Variants in MTF1 observed in about 807,000 individuals in gnomAD.
MTF1 encodes MRE-binding transcription factor.
In MTF1, 22 loss-of-function variants were observed where a neutral mutation model predicts 70.4. The observed-to-expected ratio is 0.31, with a 90% CI of 0.22 to 0.45. MTF1 has a LOEUF of 0.45. MTF1 is among the 20% of genes least tolerant of loss of function. The pLI is 1.00. For synonymous variants in MTF1, 333 were observed against 352.8 expected (o/e 0.94, Z 0.63); for missense variants, 649 against 922.0 (o/e 0.70, Z 3.83).
chr1:37,856,906 C>A (rs1018999733), intron 2 of MTF1, among the ~76,000 whole-genome samples: 9 of 152,164 alleles, frequency 5.9e-5, no homozygotes, highest in African/African-American at 1.9e-4. Context: ...ATAGTTATTT[C>A]TTCATCAAAT....
intron 7 of MTF1, among the ~76,000 whole-genome samples, chr1:37,828,832 AAGAAC>A (rs1216335527): frequency 6.6e-6 from 1 of 152,236 alleles, no homozygotes; most frequent in Non-Finnish European, 1.5e-5. Flanking sequence ...TAGAGAAGAC[AAGAAC>A]AGGCTGAGCT....
rs1365698720 is a variant in MTF1, at chr1:37,811,048, G to A, written c.*4088C>T. On this transcript the variant is annotated 3_prime_UTR_variant, in exon 11 of 11. Transcript: ENST00000373036. ...CAATCACTCTGGAAAAGTCTTTAAG[G>A]ACAATGGATGTGATTACAAATATAA... 2.6e-5 allele frequency: 4 copies of A among 152,634 alleles called. No individual in the cohort carries two copies. Among genetic ancestry groups the A allele is most frequent in the African/African-American group, 7.2e-5 (3 of 41,438 alleles). The allele number at this position is 152,634 out of a possible 1,614,324, so 9.5% of individuals were successfully genotyped here.
intron 4 of MTF1, 84 bp downstream of exon 4, chr1:37,838,537 TTTTC>T: frequency 8.3e-7 from 1 of 1,207,140 alleles, no homozygotes; most frequent in Non-Finnish European, 1.2e-6. Flanking sequence ...GTAAAGGGAG[TTTTC>T]TTTCTTTTTT....
chr1:37,854,496 T>G, intron 2 of MTF1, among the ~76,000 whole-genome samples: 1 of 152,220 alleles, frequency 6.6e-6, no homozygotes, highest in East Asian at 1.9e-4. Context: ...GTCTTTAACC[T>G]CTACCCACTA....
chr1:37,841,675 A>G (rs1248164582), intron 2 of MTF1: 2 of 159,092 alleles, frequency 1.3e-5, no homozygotes, highest in Non-Finnish European at 2.8e-5. Context: ...AACTGTGGCT[A>G]TAACACAGGA....
At chr1:37,834,742 T>C (rs1030714226) in intron 6 of MTF1, 2 of 489,862 alleles carry the variant, frequency 4.1e-6, no homozygotes, top group African/African-American at 3.9e-5. Context: ...TGGCAGACTT[T>C]GCTGGCGGAT....
At chr1:37,836,627 G>A (rs947438993) in intron 4 of MTF1, among the ~76,000 whole-genome samples, 2 of 151,994 alleles carry the variant, frequency 1.3e-5, no homozygotes, top group African/African-American at 2.4e-5. Flanking sequence ...TTTCTCTGTG[G>A]ATACATCTGG....
intron 9 of MTF1, among the ~76,000 whole-genome samples, chr1:37,819,298 C>A (rs1640873172): frequency 6.6e-6 from 1 of 152,194 alleles, no homozygotes; most frequent in African/African-American, 2.4e-5. Flanking sequence ...GCACGTAGGA[C>A]ACTTGGCACA....
In MTF1 at chr1:37,845,515, T is replaced by C. The variant is rs560055922; in HGVS notation, c.409-5357A>G. ...TGATTTTTATTGATTGATTGACAGA[T>C]TGACTGATTGAATAGATGGAGTTTC... On this transcript the variant is annotated intron_variant, in intron 2 of 10. Coordinates refer to ENST00000373036, the MANE Select transcript of MTF1 (RefSeq NM_005955.3). Among the ~76,000 whole-genome samples, 11 of 152,312 alleles carry C rather than the reference T, an allele frequency of 7.2e-5. No individual in the cohort carries two copies. The South Asian group carries it at 1.2e-3, about 17-fold the overall frequency.
At chr1:37,845,360 G>C (rs753267378) in intron 2 of MTF1, among the ~76,000 whole-genome samples, 29 of 152,276 alleles carry the variant, frequency 1.9e-4, no homozygotes, top group Non-Finnish European at 3.8e-4. Flanking sequence ...TGGAATGGTA[G>C]GAACAGAAGT....
Position 37,813,131 on chromosome 1 carries a change from T to C in MTF1, c.*2005A>G, listed in dbSNP as rs1640761520. ...CCCCGTCTCTACTAAAAATACAAAA[T>C]TAGCCAGGCGTGGTGGCGCATGCCT... On this transcript the variant is annotated 3_prime_UTR_variant, in exon 11 of 11. Transcript: ENST00000373036. 1 of 152,060 alleles carries C rather than the reference T, an allele frequency of 6.6e-6. No homozygotes were observed. Among genetic ancestry groups the C allele is most frequent in the East Asian group, 1.9e-4 (1 of 5,196 alleles). 9.4% of individuals were successfully genotyped at this position (152,060 alleles called of 1,614,324 possible).
At chr1:37,857,743 C>A in intron 1 of MTF1, 34 bp from the exon 2 acceptor site, 2 of 1,381,094 alleles carry the variant, frequency 1.4e-6, no homozygotes, top group Non-Finnish European at 2.0e-6. Context: ...TAGAGTCATA[C>A]CACAAGACCG....
chr1:37,826,883 G>A (rs1641010592), intron 7 of MTF1, among the ~76,000 whole-genome samples: 1 of 152,122 alleles, frequency 6.6e-6, no homozygotes, highest in African/African-American at 2.4e-5. Context: ...GGACGCTGAG[G>A]CAGGAGAATT....
chr1:37,859,522 G>C lies in MTF1; in HGVS notation c.-52+9C>G, dbSNP rs1371785353. ...CCAAGCCCAGGCCGAGTCTAGTTTC[G>C]CCTTTTACCTCCGCGGCTCCCGGCA... On this transcript the variant is annotated intron_variant, in intron 1 of 10. Transcript: ENST00000373036. 2.5e-6 allele frequency: 1 copy of C among 398,920 alleles called. No individual in the cohort carries two copies. The highest frequency in any genetic ancestry group is 2.1e-5 in the African/African-American group (1 of 48,638). The allele number at this position is 398,920 out of a possible 1,614,324, so 24.7% of individuals were successfully genotyped here.
At chr1:37,832,545 T>C (rs1042505432) in intron 6 of MTF1, among the ~76,000 whole-genome samples, 5 of 152,190 alleles carry the variant, frequency 3.3e-5, no homozygotes, top group African/African-American at 1.2e-4. Context: ...GTTTGTTACA[T>C]TATGTATACA....
intron 3 of MTF1, among the ~76,000 whole-genome samples, 184 bp downstream of exon 3, chr1:37,839,736 G>GC (rs1641227504): frequency 1.3e-5 from 2 of 152,212 alleles, no homozygotes; most frequent in Non-Finnish European, 2.9e-5. Context: ...TTTCTCTAAT[G>GC]CATTTTTAAA....
At chr1:37,841,849 C>CG (rs1216949703) in intron 2 of MTF1, among the ~76,000 whole-genome samples, 1 of 152,084 alleles carries the variant, frequency 6.6e-6, no homozygotes, top group Non-Finnish European at 1.5e-5. Flanking sequence ...GGCAACACAG[C>CG]AAGACCCTGT....
rs548086901 is a variant in MTF1, at chr1:37,811,071, T to C, written c.*4065A>G. 5.2e-5 allele frequency: 8 copies of C among 152,760 alleles called. No individual in the cohort carries two copies. The highest frequency in any genetic ancestry group is 1.4e-4 in the African/African-American group (6 of 41,566). The allele number at this position is 152,760 out of a possible 1,614,324, so 9.5% of individuals were successfully genotyped here. ...AGGACAATGGATGTGATTACAAATATAAAAGTCTAGAAGGTGCCAGGTTTC... is the reference window on the plus strand; with the variant it reads ...AGGACAATGGATGTGATTACAAATACAAAAGTCTAGAAGGTGCCAGGTTTC... On this transcript the variant is annotated 3_prime_UTR_variant, in exon 11 of 11. Transcript: ENST00000373036.
At chr1:37,827,840 T>C (rs1641027909) in intron 7 of MTF1, among the ~76,000 whole-genome samples, 1 of 152,194 alleles carries the variant, frequency 6.6e-6, no homozygotes, top group Non-Finnish European at 1.5e-5. Context: ...TCAATGGCAA[T>C]TACTTTTGAC....
Sources: gnomAD v4.1 joint callset for allele counts (sites outside exome capture counted in the v4.1 genomes callset) on GRCh38, gnomAD v4.1.1 for gene constraint, MANE v1.5 for transcripts, NCBI Gene and HGNC (gene_info 2026-07-23, HGNC 2026-07-21) for gene names.